EML1: variants seen among roughly 807,000 people sequenced by gnomAD.
EML1 encodes echinoderm microtubule-associated protein-like 1.
In EML1, 27 loss-of-function variants were observed where a neutral mutation model predicts 110.4. That is an observed-to-expected ratio of 0.24 (90% CI 0.18 to 0.34). The LOEUF (loss-of-function observed/expected upper bound fraction) is 0.34, where lower values mean the gene tolerates loss of function less well. EML1 is among the 10% of genes least tolerant of loss of function. The pLI is 1.00. For synonymous variants in EML1, 344 were observed against 385.8 expected, an observed-to-expected ratio of 0.89 and a Z score of 1.27; for missense variants, 741 against 1,030.9, an observed-to-expected ratio of 0.72 and a Z score of 3.85.
intron 1 of EML1, among the ~76,000 whole-genome samples, chr14:99,805,132 T>C: frequency 6.6e-6 from 1 of 152,208 alleles, no homozygotes; most frequent in East Asian, 1.9e-4. Context: ...TAGGCGCAGC[T>C]CACTGGGTGC....
At chr14:99,740,481 C>T (rs1310386762) in intron 1 of EML1, among the ~76,000 whole-genome samples, 1 of 152,156 alleles carries the variant, frequency 6.6e-6, no homozygotes, top group East Asian at 1.9e-4. Context: ...AAACATAGTG[C>T]CTTGTTAGGG....
intron 3 of EML1, among the ~76,000 whole-genome samples, chr14:99,871,311 T>A (rs2059199200): frequency 6.6e-6 from 1 of 151,964 alleles, no homozygotes. Context: ...CAATGTCAAC[T>A]GAAAACCTTC....
Position 99,781,582 on chromosome 14 carries a change from G to A in EML1, c.-27+7569G>A, listed in dbSNP as rs1049097200. Among the ~76,000 whole-genome samples the A allele has an allele frequency of 2.0e-5, 3 of 152,150 alleles. No individual in the cohort carries two copies. Among genetic ancestry groups the A allele is most frequent in the Non-Finnish European group, 2.9e-5 (2 of 68,034 alleles). The stretch of plus-strand genomic sequence containing the variant: ...TCCCACTAGTTTGTCTTCATGCTTC[G>A]TGTCCCCTGGCCCAGGTATGTGCAC... On this transcript the variant is annotated intron_variant, in intron 1 of 22. Coordinates refer to the EML1 transcript ENST00000327921. The surrounding 1 kb of genome is among the most constrained non-coding windows in gnomAD (Gnocchi z 4.2).
chr14:99,891,032 G>A (rs1255247855), intron 4 of EML1, among the ~76,000 whole-genome samples, 167 bp from the exon 5 acceptor site: 1 of 152,174 alleles, frequency 6.6e-6, no homozygotes, highest in Non-Finnish European at 1.5e-5. Flanking sequence ...GATTGTTTAT[G>A]TGTGTTCCTT....
At chr14:99,858,986 A>G (rs756694627) in intron 2 of EML1, among the ~76,000 whole-genome samples, 19 of 152,222 alleles carry the variant, frequency 1.2e-4, no homozygotes, top group Non-Finnish European at 2.6e-4. Flanking sequence ...AGTTAAAAGC[A>G]TTTCTTGATC....
chr14:99,799,870 A>G (rs1595298400), intron 1 of EML1, among the ~76,000 whole-genome samples: 1 of 152,218 alleles, frequency 6.6e-6, no homozygotes, highest in Middle Eastern at 3.4e-3. Flanking sequence ...TAGCGTGAAA[A>G]CCTTCATCAT....
chr14:99,788,920 C>T (rs541695231), upstream of EML1, among the ~76,000 whole-genome samples: 6 of 152,240 alleles, frequency 3.9e-5, no homozygotes, highest in Non-Finnish European at 7.4e-5. Context: ...AGACTATTTG[C>T]GCTTTTGGGG....
chr14:99,800,307 T>A (rs907649851), intron 1 of EML1, among the ~76,000 whole-genome samples: 2 of 152,152 alleles, frequency 1.3e-5, no homozygotes, highest in Non-Finnish European at 2.9e-5. Flanking sequence ...AAGAAATACC[T>A]CTTCAGAAGA....
intron 15 of EML1, 117 bp from the exon 16 acceptor site, chr14:99,917,665 A>G (rs1284995745): frequency 3.2e-5 from 31 of 966,036 alleles, no homozygotes; most frequent in Non-Finnish European, 4.7e-6. Context: ...ATAGAGCCAT[A>G]TAGCCCTAAG....
intron 1 of EML1, among the ~76,000 whole-genome samples, chr14:99,817,520 A>C (rs2058189088): frequency 6.6e-6 from 1 of 152,212 alleles, no homozygotes; most frequent in African/African-American, 2.4e-5. Context: ...CTCCCGCAGC[A>C]TTAGTGCAGG....
At chr14:99,828,827 C>A (rs1207070934) in intron 1 of EML1, among the ~76,000 whole-genome samples, 2 of 152,140 alleles carry the variant, frequency 1.3e-5, no homozygotes, top group African/African-American at 4.8e-5. Context: ...TTAAGGAAAT[C>A]ATAAGGAAGA....
intron 1 of EML1, among the ~76,000 whole-genome samples, chr14:99,850,521 G>A (rs752592096): frequency 3.9e-5 from 6 of 152,086 alleles, no homozygotes; most frequent in African/African-American, 7.2e-5. Flanking sequence ...AAGTTGAAGT[G>A]GACGTATTCT....
chr14:99,897,411 A>G, intron 7 of EML1, 117 bp downstream of exon 7: 1 of 1,036,054 alleles, frequency 9.7e-7, no homozygotes, highest in Non-Finnish European at 1.3e-6. Flanking sequence ...TAAAATAAAT[A>G]AATAAATAAA....
chr14:99,859,719 C>T (rs2058968595), intron 2 of EML1, among the ~76,000 whole-genome samples: 1 of 152,136 alleles, frequency 6.6e-6, no homozygotes. Flanking sequence ...GAGAATGTGC[C>T]TAGGGTTCTA....
At chr14:99,912,801 C>G (rs956391035) in intron 13 of EML1, among the ~76,000 whole-genome samples, 5 of 152,176 alleles carry the variant, frequency 3.3e-5, no homozygotes, top group African/African-American at 1.2e-4. Flanking sequence ...CTCCAAAGCC[C>G]CATCTAATTT....
intron 4 of EML1, among the ~76,000 whole-genome samples, chr14:99,884,036 C>T (rs2059433122): frequency 6.6e-6 from 1 of 152,234 alleles, no homozygotes; most frequent in South Asian, 2.1e-4. Flanking sequence ...TCATTGTGAA[C>T]AAGTGACTTA....
chr14:99,855,950 A>C (rs924143613), intron 2 of EML1, among the ~76,000 whole-genome samples: 3 of 152,218 alleles, frequency 2.0e-5, no homozygotes, highest in African/African-American at 7.2e-5. Flanking sequence ...TTTAGCTGTG[A>C]GAAGCCTGTG....
chr14:99,882,753 G>A (rs144290863), intron 4 of EML1, among the ~76,000 whole-genome samples: 85 of 151,622 alleles, frequency 5.6e-4, no homozygotes, highest in African/African-American at 1.9e-3. Flanking sequence ...GTCCTGGGCC[G>A]CATGTGGCCT....
intron 4 of EML1, among the ~76,000 whole-genome samples, chr14:99,884,170 G>A (rs1350213571): frequency 6.6e-6 from 1 of 152,216 alleles, no homozygotes; most frequent in Non-Finnish European, 1.5e-5. Context: ...AGTGGCAGCT[G>A]TGAGTGTCAT....
Sources: gnomAD v4.1 joint callset for allele counts (sites outside exome capture counted in the v4.1 genomes callset) on GRCh38, gnomAD v4.1.1 for gene constraint, Gnocchi (gnomAD v3.1) non-coding constraint, MANE v1.5 for transcripts, NCBI Gene and HGNC (gene_info 2026-07-23, HGNC 2026-07-21) for gene names.